The following ATL3 variants were observed in gnomAD, a reference collection of about 807,000 sequenced individuals.
ATL3 encodes atlastin-3.
Under a neutral mutation model 69.5 loss-of-function variants are expected in ATL3, and 49 were observed. The ratio of observed to expected loss-of-function variants is 0.71; its 90% CI spans 0.56 to 0.89. ATL3 has a LOEUF of 0.89. ATL3 is among the 40% of genes least tolerant of loss of function. The pLI, the probability that ATL3 is intolerant of heterozygous loss-of-function variation, is 0.00. For synonymous variants in ATL3, 214 were observed against 224.1 expected, an observed-to-expected ratio of 0.95 and a Z score of 0.40; for missense variants, 606 against 645.7, an observed-to-expected ratio of 0.94 and a Z score of 0.67.
chr11:63,662,469 C>T (rs1390855307), intron 1 of ATL3, among the ~76,000 whole-genome samples: 1 of 152,004 alleles, frequency 6.6e-6, no homozygotes, highest in East Asian at 1.9e-4. Context: ...TAGAAGGATG[C>T]TAAGTTTAAG....
At chr11:63,647,893 G>A (rs1939937105) in intron 5 of ATL3, among the ~76,000 whole-genome samples, 1 of 152,178 alleles carries the variant, frequency 6.6e-6, no homozygotes, top group South Asian at 2.1e-4. Context: ...AAGAAATCTG[G>A]AAGAGACAGG....
chr11:63,636,175 C>G, intron 9 of ATL3, 32 bp downstream of exon 9: 1 of 1,590,798 alleles, frequency 6.3e-7, no homozygotes, highest in South Asian at 1.2e-5. Flanking sequence ...TACCAAAAAT[C>G]AAACATTTTA....
chr11:63,671,364 C>T lies in ATL3; in HGVS notation c.-29G>A, dbSNP rs2959880. 223,367 of 1,569,338 alleles carry T rather than the reference C, an allele frequency of 0.14. 17,110 individuals are homozygous for T. Among genetic ancestry groups the T allele is most frequent in the African/African-American group, 0.23 (16,457 of 71,072 alleles). On this transcript the variant is annotated 5_prime_UTR_variant, in exon 1 of 13. Coordinates refer to ENST00000398868, the MANE Select transcript of ATL3 (RefSeq NM_015459.5). Reference sequence around the variant, plus strand: ...GCCTCCGCCTTCAAAGCAGAAGCAGCAGGGGTGCAGAGGAGAGGGACGGGT... The same window carrying T: ...GCCTCCGCCTTCAAAGCAGAAGCAGTAGGGGTGCAGAGGAGAGGGACGGGT...
chr11:63,671,527 C>G (rs1038334975), upstream of ATL3: 18 of 1,429,366 alleles, frequency 1.3e-5, no homozygotes, highest in Admixed American at 6.3e-5. Flanking sequence ...ACGGACAGCC[C>G]GAGGCGTGGC....
rs1240022478 is a variant in ATL3 at position 63,624,304 on chromosome 11, A to G, written c.*5015T>C. The stretch of plus-strand genomic sequence containing the variant: ...TGAGGAAAATTTGTGTATGTACAAG[A>G]TTAGTATTAACTCCTTTAAGGCTTA... On this transcript the variant is annotated 3_prime_UTR_variant, in exon 13 of 13. Transcript: ENST00000398868. 2.0e-5 allele frequency: 3 copies of G among 152,216 alleles called. No individual in the cohort carries two copies. The highest frequency in any genetic ancestry group is 2.0e-4 in the Admixed American group (3 of 15,286). The allele number at this position is 152,216 out of a possible 1,614,324, so 9.4% of individuals were successfully genotyped here.
At chr11:63,668,856 GC>G (rs1940674510) in intron 1 of ATL3, among the ~76,000 whole-genome samples, 1 of 136,716 alleles carries the variant, frequency 7.3e-6, no homozygotes, top group African/African-American at 2.7e-5. Context: ...GAGTGCAGTG[GC>G]AAGAACAAGG....
intron 7 of ATL3, 49 bp from the exon 8 acceptor site, chr11:63,643,544 T>C (rs550074952): frequency 2.6e-6 from 4 of 1,560,122 alleles, no homozygotes; most frequent in Non-Finnish European, 3.5e-6. Context: ...TTTGGTTTTC[T>C]TCACTAGGGA....
At chr11:63,632,971 C>A in intron 11 of ATL3, 55 bp downstream of exon 11, 1 of 1,535,602 alleles carries the variant, frequency 6.5e-7, no homozygotes, top group South Asian at 1.1e-5. Context: ...CTTTTGAAGT[C>A]AGCAACAATG....
chr11:63,657,844 A>C (rs1940303517), intron 3 of ATL3, among the ~76,000 whole-genome samples: 1 of 152,104 alleles, frequency 6.6e-6, no homozygotes, highest in Non-Finnish European at 1.5e-5. Flanking sequence ...TATGAAACTA[A>C]AAATGCCATT....
intron 8 of ATL3, among the ~76,000 whole-genome samples, chr11:63,639,772 T>C (rs921875219): frequency 6.6e-6 from 1 of 151,984 alleles, no homozygotes; most frequent in African/African-American, 2.4e-5. Flanking sequence ...AATAAATAAA[T>C]ACATACATAC....
intron 1 of ATL3, among the ~76,000 whole-genome samples, chr11:63,662,591 C>T (rs1172647822): frequency 6.6e-6 from 1 of 152,126 alleles, no homozygotes; most frequent in East Asian, 1.9e-4. Context: ...GTCATCCTCC[C>T]ACCTCAGCCT....
upstream of ATL3, chr11:63,671,851 A>G (rs921426768): frequency 3.0e-6 from 2 of 657,598 alleles, no homozygotes; most frequent in Non-Finnish European, 4.1e-6. Context: ...CGTGCAGACC[A>G]GGCCCCAGGC....
chr11:63,643,450 T>G lies in ATL3; in HGVS notation c.757A>C (p.Ile253Leu). 1 of 1,613,150 alleles carries G rather than the reference T, an allele frequency of 6.2e-7. No individual in the cohort carries two copies. The highest frequency in any genetic ancestry group is 8.5e-7 in the Non-Finnish European group (1 of 1,179,548). Residue 253 changes from isoleucine (I) to leucine (L), a missense_variant, in exon 8 of 13, where the codon ATT becomes CTT. Ile to Leu is a conservative substitution (Grantham distance 5, BLOSUM62 2). Transcript: ENST00000398868. ...GTGACATCGGAGAAACATGAGTGAA[T>G]GTGATTTCGAACATTCTGAATTTCT... ...HEEIQNVRNH[I>L]HSCFSDVTCF... is the part of the protein sequence containing the mutation.
At chr11:63,657,950 G>A (rs768032452) in intron 3 of ATL3, among the ~76,000 whole-genome samples, 3 of 148,966 alleles carry the variant, frequency 2.0e-5, no homozygotes, top group Admixed American at 1.4e-4. Context: ...TCTGCCTCCC[G>A]GGTTCAAGCG....
intron 1 of ATL3, among the ~76,000 whole-genome samples, chr11:63,660,951 C>T (rs1359876977): frequency 6.6e-6 from 1 of 151,848 alleles, no homozygotes; most frequent in East Asian, 1.9e-4. Context: ...CAGTGGCTCA[C>T]ATTTACAATC....
At position 63,626,550 on chromosome 11, in the gene ATL3, T is replaced by G. The variant is rs1939119116; in HGVS notation, c.*2769A>C. 1 of 152,232 alleles carries G rather than the reference T, an allele frequency of 6.6e-6. No individual in the cohort carries two copies. The highest frequency in any genetic ancestry group is 1.5e-5 in the Non-Finnish European group (1 of 68,032). The allele number at this position is 152,232 out of a possible 1,614,324, so 9.4% of individuals were successfully genotyped here. On this transcript the variant is annotated 3_prime_UTR_variant, in exon 13 of 13. Transcript: ENST00000398868. ...AGCTCATTGAAATTATTTTTTCAAA[T>G]TATCAACACTTAATTTATCCTGAAA...
intron 1 of ATL3, among the ~76,000 whole-genome samples, chr11:63,667,726 T>C (rs980721173): frequency 2.7e-5 from 4 of 148,876 alleles, no homozygotes; most frequent in African/African-American, 1.0e-4. Flanking sequence ...ATCGCGCCAT[T>C]GCACTCCAGC....
At chr11:63,634,323 G>T (rs1343356925) in intron 10 of ATL3, among the ~76,000 whole-genome samples, 1 of 151,678 alleles carries the variant, frequency 6.6e-6, no homozygotes, top group African/African-American at 2.4e-5. Context: ...TGGCTAACAC[G>T]GTGAAACCCT....
At chr11:63,658,066 C>T (rs540730706) in intron 3 of ATL3, among the ~76,000 whole-genome samples, 1 of 152,216 alleles carries the variant, frequency 6.6e-6, no homozygotes, top group Non-Finnish European at 1.5e-5. Flanking sequence ...CTATGTTGGC[C>T]AGGCTGGTCT....
Sources: gnomAD v4.1 joint callset for allele counts (sites outside exome capture counted in the v4.1 genomes callset) on GRCh38, gnomAD v4.1.1 for gene constraint, MANE v1.5 for transcripts, NCBI Gene and HGNC (gene_info 2026-07-23, HGNC 2026-07-21) for gene names.